ITGA4: variants seen among roughly 807,000 people sequenced by gnomAD.
The protein encoded by ITGA4 is integrin alpha-4.
In ITGA4, 63 loss-of-function variants were observed where a neutral mutation model predicts 133.6. The ratio of observed to expected loss-of-function variants is 0.47; its 90% confidence interval spans 0.38 to 0.58. The LOEUF is 0.58. Among genes scored for constraint, ITGA4 ranks in the 20% least tolerant of loss-of-function variants. The pLI is 0.00. For missense variants in ITGA4, 1,076 were observed against 1,252.7 expected, an observed-to-expected ratio of 0.86 and a Z score of 2.13; for synonymous variants, 483 against 438.0, an observed-to-expected ratio of 1.10 and a Z score of -1.28.
intron 24 of ITGA4, among the ~76,000 whole-genome samples, chr2:181,531,126 A>G (rs1289171492): frequency 6.6e-6 from 1 of 152,002 alleles, no homozygotes; most frequent in Non-Finnish European, 1.5e-5. Flanking sequence ...AAAAGAAAAA[A>G]AAAAATGTTA....
Position 181,498,668 on chromosome 2 carries a change from C to A in ITGA4, c.1586C>A (p.Ser529Tyr). 1 of 1,611,956 alleles carries A rather than the reference C, an allele frequency of 6.2e-7. No homozygotes were observed. Among genetic ancestry groups the A allele is most frequent in the Non-Finnish European group, 8.5e-7 (1 of 1,178,454 alleles). The change falls in exon 15 of 28, where the codon TCT becomes TAT. Residue 529 changes from serine to tyrosine, a missense_variant. Physicochemically the swap from Ser to Tyr is moderately radical, Grantham distance 144. Coordinates refer to ENST00000397033, the MANE Select transcript of ITGA4 (RefSeq NM_000885.6). Reference sequence around the variant, plus strand: ...TTGGATGTGAACAGAAAGGCAGAGTCTCCACCAAGATTCTATTTCTCTTCT... The same window carrying A: ...TTGGATGTGAACAGAAAGGCAGAGTATCCACCAAGATTCTATTTCTCTTCT... ...MSLDVNRKAESPPRFYFSSNG... is the reference protein window; with the variant it reads ...MSLDVNRKAEYPPRFYFSSNG...
intron 16 of ITGA4, 25 bp from the exon 17 acceptor site, chr2:181,511,674 A>G (rs766218721): frequency 7.5e-7 from 1 of 1,339,254 alleles, no homozygotes; most frequent in East Asian, 2.3e-5. Context: ...AATCAAAATA[A>G]AAAACGTTGT....
At position 181,535,730 on chromosome 2, in the gene ITGA4, C is replaced by A. The variant is rs575484380; in HGVS notation, c.*203C>A. 1.3e-4 allele frequency: 60 copies of A among 476,742 alleles called. No individual in the cohort carries two copies. Among genetic ancestry groups the A allele is most frequent in the African/African-American group, 1.1e-3 (55 of 51,058 alleles). 29.5% of individuals were successfully genotyped at this position (476,742 alleles called of 1,614,324 possible). ...AAGAACTGCAAAGGTAATAATACAGCCAAAGATAATCTCTCAGCTTTTAAA... is the reference window on the plus strand; with the variant it reads ...AAGAACTGCAAAGGTAATAATACAGACAAAGATAATCTCTCAGCTTTTAAA... On this transcript the variant is annotated 3_prime_UTR_variant, in exon 28 of 28. Transcript: ENST00000397033.
rs766782841 is a variant in ITGA4 at position 181,529,640 on chromosome 2, G to A, written c.2530G>A (p.Asp844Asn). The change falls in exon 23 of 28, where the codon GAT becomes AAT. Residue 844 changes from aspartate to asparagine, a missense_variant. This residue lies in a region of ITGA4 where 365 missense variants were observed against 421.4 expected (regional missense o/e 0.87). Coordinates refer to ENST00000397033, the MANE Select transcript of ITGA4 (RefSeq NM_000885.6). ...PQTDKLFNIL[D>N]VQTTTGECHF... ...AACTGATAAGCTGTTCAACATTTTGGATGTCCAGGTAAAAATGTATTTCTT... is the reference window on the plus strand; with the variant it reads ...AACTGATAAGCTGTTCAACATTTTGAATGTCCAGGTAAAAATGTATTTCTT... The A allele has an allele frequency of 4.5e-6, 7 of 1,541,280 alleles. No individual in the cohort carries two copies. In the Admixed American group the frequency reaches 1.0e-4, roughly 22 times the overall value.
Position 181,475,168 on chromosome 2 carries a change from C to T in ITGA4, c.436C>T (p.His146Tyr). The T allele has an allele frequency of 1.9e-6, 3 of 1,613,422 alleles. No homozygotes were observed. The highest frequency in any genetic ancestry group is 2.5e-6 in the Non-Finnish European group (3 of 1,179,610). ...CTTTTATTTTATTCAGACTTGTGGG[C>T]ATAGATGGAAAAATATATTTTACAT... ...GENGSIVTCGHRWKNIFYIKN... is the reference protein window; with the variant it reads ...GENGSIVTCGYRWKNIFYIKN... Residue 146 changes from histidine (H) to tyrosine (Y), a missense_variant, in exon 4 of 28, where the codon CAT becomes TAT. By Grantham distance (83) the His-to-Tyr change is moderately conservative. Coordinates refer to ENST00000397033, the MANE Select transcript of ITGA4 (RefSeq NM_000885.6).
intron 10 of ITGA4, among the ~76,000 whole-genome samples, chr2:181,489,144 G>T (rs976725582): frequency 4.6e-5 from 7 of 152,198 alleles, no homozygotes; most frequent in Non-Finnish European, 7.4e-5. Flanking sequence ...GTAGGATTAT[G>T]AAGAAAGAGA....
intron 24 of ITGA4, among the ~76,000 whole-genome samples, chr2:181,531,424 T>A (rs1559058466): frequency 6.6e-6 from 1 of 152,116 alleles, no homozygotes; most frequent in South Asian, 2.1e-4. Flanking sequence ...ATACAAATAA[T>A]AAGAACATAT....
intron 17 of ITGA4, among the ~76,000 whole-genome samples, chr2:181,517,866 T>C (rs190978466): frequency 6.6e-6 from 1 of 152,232 alleles, no homozygotes; most frequent in East Asian, 1.9e-4. Flanking sequence ...CTGTTGCTTG[T>C]CTAAGTGCCA....
At chr2:181,527,480 T>A (rs1229276752) in intron 22 of ITGA4, 93 bp downstream of exon 22, 1 of 842,600 alleles carries the variant, frequency 1.2e-6, no homozygotes, top group Non-Finnish European at 2.0e-6. Context: ...TATGACGTCC[T>A]TCAGCCTCTG....
In ITGA4 at chr2:181,475,335, T is replaced by C. The variant is rs377473338; in HGVS notation, c.556+47T>C. The C allele has an allele frequency of 5.6e-6, 8 of 1,433,342 alleles. No homozygotes were observed. The African/African-American group carries it at 1.1e-4, about 20-fold the overall frequency. 88.8% of individuals were successfully genotyped at this position (1,433,342 alleles called of 1,614,324 possible). A position where few individuals can be genotyped will look rare whatever the true frequency, so the allele number is the denominator to read the frequency against. On this transcript the variant is annotated intron_variant, in intron 4 of 27. Coordinates refer to ENST00000397033, the MANE Select transcript of ITGA4 (RefSeq NM_000885.6). ...AATTAGATAAAGATAAGTAAGTGAA[T>C]ACCTTTTAGTGTTTTAAATTTATGT...
intron 7 of ITGA4, among the ~76,000 whole-genome samples, 177 bp downstream of exon 7, chr2:181,481,860 A>G (rs575874317): frequency 1.4e-4 from 21 of 152,340 alleles, no homozygotes; most frequent in Non-Finnish European, 1.5e-4. Flanking sequence ...AAATTTAGCA[A>G]AAAACTTTCT....
At chr2:181,476,058 T>C (rs1158736039) in intron 4 of ITGA4, 1 of 531,580 alleles carries the variant, frequency 1.9e-6, no homozygotes, top group Non-Finnish European at 3.1e-6. Flanking sequence ...AGTATTTGAG[T>C]TCAATTATGG....
At chr2:181,465,375 C>T (rs1285744535) in intron 2 of ITGA4, among the ~76,000 whole-genome samples, 1 of 152,096 alleles carries the variant, frequency 6.6e-6, no homozygotes, top group African/African-American at 2.4e-5. Context: ...TTTAAGCCTT[C>T]CTATCTTCCT....
intron 21 of ITGA4, among the ~76,000 whole-genome samples, chr2:181,526,460 G>A (rs1686831651): frequency 6.6e-6 from 1 of 152,118 alleles, no homozygotes; most frequent in Non-Finnish European, 1.5e-5. Context: ...GTTTATTGCA[G>A]ATAAAAATGT....
At position 181,537,964 on chromosome 2, in the gene ITGA4, T is replaced by C. The variant is rs1687256296; in HGVS notation, c.*2437T>C. On this transcript the variant is annotated 3_prime_UTR_variant, in exon 28 of 28. Coordinates refer to ENST00000397033, the MANE Select transcript of ITGA4 (RefSeq NM_000885.6). ...TAGAAGTGCGAACCATATGGTGAAC[T>C]GGTATGTGAGGGATCTAGAGTGCCA... 1.5e-6 allele frequency: 1 copy of C among 648,628 alleles called. No homozygotes were observed. The highest frequency in any genetic ancestry group is 2.9e-6 in the Non-Finnish European group (1 of 346,694). The allele number at this position is 648,628 out of a possible 1,614,324, so 40.2% of individuals were successfully genotyped here.
chr2:181,478,383 T>G (rs778737561), intron 4 of ITGA4, among the ~76,000 whole-genome samples: 1 of 152,070 alleles, frequency 6.6e-6, no homozygotes, highest in Non-Finnish European at 1.5e-5. Context: ...GTATGTAAAG[T>G]GTAGTAACTG....
intron 14 of ITGA4, among the ~76,000 whole-genome samples, chr2:181,496,438 C>T (rs1686160721): frequency 6.6e-6 from 1 of 151,974 alleles, no homozygotes; most frequent in Admixed American, 6.6e-5. Flanking sequence ...AAAATAATAA[C>T]CATAAAAATA....
chr2:181,521,846 A>C (rs1295119751), intron 17 of ITGA4, among the ~76,000 whole-genome samples: 1 of 152,226 alleles, frequency 6.6e-6, no homozygotes, highest in African/African-American at 2.4e-5. Context: ...AAGAAAAGAA[A>C]AACTGCTTTG....
chr2:181,524,289 C>A, intron 20 of ITGA4, 39 bp downstream of exon 20: 1 of 1,160,716 alleles, frequency 8.6e-7, no homozygotes, highest in Non-Finnish European at 1.2e-6. Flanking sequence ...AGAAATATAC[C>A]CCCATATTCT....
Sources: gnomAD v4.1 joint callset for allele counts (sites outside exome capture counted in the v4.1 genomes callset) on GRCh38, gnomAD v4.1.1 for gene constraint, gnomAD v4.1.1 regional missense constraint, MANE v1.5 for transcripts, NCBI Gene and HGNC (gene_info 2026-07-23, HGNC 2026-07-21) for gene names.